The following PDE4D variants were observed in gnomAD, a reference collection of about 807,000 sequenced individuals.
PDE4D encodes the protein phosphodiesterase 4D.
A neutral mutation model predicts 87.4 loss-of-function variants in PDE4D; 24 were observed. That is an observed-to-expected ratio of 0.27 (90% CI 0.20 to 0.39). The LOEUF (loss-of-function observed/expected upper bound fraction) is 0.39. Among genes scored for constraint, PDE4D ranks in the 10% least tolerant of loss-of-function variants. PDE4D has a pLI of 1.00. For missense variants in PDE4D, 714 were observed against 1,041.0 expected, an observed-to-expected ratio of 0.69 and a Z score of 4.32; for synonymous variants, 384 against 383.2, an observed-to-expected ratio of 1.00 and a Z score of -0.02.
At chr5:59,506,240 TAG>T (rs2153666536) in intron 1 of PDE4D, among the ~76,000 whole-genome samples, 1 of 152,304 alleles carries the variant, frequency 6.6e-6, no homozygotes, top group African/African-American at 2.4e-5. Context: ...CTTCATTTTT[TAG>T]AGGAGTGAGA....
At chr5:59,629,516 G>A (rs188539275) in intron 1 of PDE4D, among the ~76,000 whole-genome samples, 1 of 151,926 alleles carries the variant, frequency 6.6e-6, no homozygotes, top group Non-Finnish European at 1.5e-5. Context: ...ACAGAGAGAA[G>A]GCCATCTACA....
At chr5:59,850,174 G>GCA (rs1183075778) in intron 1 of PDE4D, among the ~76,000 whole-genome samples, 2 of 151,670 alleles carry the variant, frequency 1.3e-5, no homozygotes, top group Non-Finnish European at 2.9e-5. Context: ...ACTGACACAT[G>GCA]CACACACACA....
At chr5:59,083,206 C>G (rs1301250364) in intron 5 of PDE4D, among the ~76,000 whole-genome samples, 1 of 152,034 alleles carries the variant, frequency 6.6e-6, no homozygotes, top group Non-Finnish European at 1.5e-5. Flanking sequence ...CACTTCTAAT[C>G]TTGCTGATGA....
chr5:59,259,492 G>A (rs557742691), intron 1 of PDE4D, among the ~76,000 whole-genome samples: 5 of 151,834 alleles, frequency 3.3e-5, no homozygotes, highest in East Asian at 1.9e-4. Context: ...ATGATACCAA[G>A]GTTTAAAACT....
chr5:59,004,333 G>A (rs917166542), intron 6 of PDE4D, among the ~76,000 whole-genome samples: 3 of 152,180 alleles, frequency 2.0e-5, no homozygotes, highest in African/African-American at 4.8e-5. Flanking sequence ...CATGGAAAAT[G>A]AGAATAATAG....
At chr5:59,458,406 A>C (rs1263648715) in intron 1 of PDE4D, among the ~76,000 whole-genome samples, 1 of 152,188 alleles carries the variant, frequency 6.6e-6, no homozygotes, top group African/African-American at 2.4e-5. Context: ...TTCTCAGTGA[A>C]ACCTCACTGG....
intron 2 of PDE4D, among the ~76,000 whole-genome samples, chr5:59,993,254 A>G (rs1763190739): frequency 6.6e-6 from 1 of 152,186 alleles, no homozygotes; most frequent in African/African-American, 2.4e-5. Flanking sequence ...ATTCCAGTGC[A>G]TATTAAAGTT....
rs938696114 is a variant in PDE4D, at chr5:59,052,733, G to A, written c.809-13762C>T. Among the ~76,000 whole-genome samples, 14 of 152,174 alleles carry A rather than the reference G, an allele frequency of 9.2e-5. No homozygotes were observed. In the East Asian group the frequency reaches 2.7e-3, roughly 29 times the overall value. On this transcript the variant is annotated intron_variant, in intron 5 of 14. Transcript: ENST00000340635. ...CTCAGTTTTCTTTTTTGTAAAATAG[G>A]GCTAAAAATACATTCCCTAGAAGGT...
At chr5:59,914,049 A>G (rs1278317510) in intron 3 of PDE4D, among the ~76,000 whole-genome samples, 1 of 150,276 alleles carries the variant, frequency 6.7e-6, no homozygotes, top group African/African-American at 2.5e-5. Flanking sequence ...CTCTACAGAA[A>G]TTCTAAGTTG....
chr5:59,177,871 A>G (rs1368032230), intron 5 of PDE4D, among the ~76,000 whole-genome samples: 1 of 152,170 alleles, frequency 6.6e-6, no homozygotes, highest in Non-Finnish European at 1.5e-5. Context: ...GCTGGTCCTC[A>G]TGCTGCTCCA....
In PDE4D at chr5:60,456,333, G is replaced by A. The variant is rs569575097; in HGVS notation, c.-90+31609C>T. Among the ~76,000 whole-genome samples the A allele has an allele frequency of 7.2e-5, 11 of 152,296 alleles. No individual in the cohort carries two copies. The South Asian group carries it at 1.9e-3, about 26-fold the overall frequency. On this transcript the variant is annotated intron_variant, in intron 1 of 16. Coordinates refer to the PDE4D transcript ENST00000502484. ...TAGGGCCCTCTAAAGCAAGTGACAC[G>A]AGGCAAGAGCCTCTTTCCCCAGGTT...
rs78690872 is a variant in PDE4D at position 60,356,231 on chromosome 5, C to T, written c.-90+131711G>A. Among the ~76,000 whole-genome samples the T allele has an allele frequency of 6.1e-3, 922 of 152,252 alleles. 6 individuals are homozygous for T. The highest frequency in any genetic ancestry group is 0.012 in the South Asian group (60 of 4,814). On this transcript the variant is annotated intron_variant, in intron 1 of 16. Coordinates refer to the PDE4D transcript ENST00000502484. Reference sequence around the variant, plus strand: ...CATTCCCATTAATATTAACAGTGTTCTCACTGACAAAACAGAGTGATTATT... The same window carrying T: ...CATTCCCATTAATATTAACAGTGTTTTCACTGACAAAACAGAGTGATTATT...
rs114838548 is a variant in PDE4D, at chr5:59,392,991, T to C, written c.456-177023A>G. 3.3e-3 allele frequency among the ~76,000 whole-genome samples: 502 copies of C among 151,900 alleles called. 1 individual carries two copies. Among genetic ancestry groups the C allele is most frequent in the Non-Finnish European group, 5.5e-3 (371 of 67,928 alleles). On this transcript the variant is annotated intron_variant, in intron 1 of 14. Transcript: ENST00000340635. ...AGAATGAAAGACAGGGGAAGTAGAGTTTGAAGAAAGGATTAATTGAACCTG... is the reference window on the plus strand; with the variant it reads ...AGAATGAAAGACAGGGGAAGTAGAGCTTGAAGAAAGGATTAATTGAACCTG...
At chr5:59,464,997 A>T (rs762933390) in intron 1 of PDE4D, among the ~76,000 whole-genome samples, 14 of 152,234 alleles carry the variant, frequency 9.2e-5, no homozygotes, top group Admixed American at 6.5e-5. Context: ...GAGCGGTAGC[A>T]GTCCCTGCAC....
chr5:59,088,739 C>A (rs1308339199), intron 5 of PDE4D, among the ~76,000 whole-genome samples: 1 of 152,072 alleles, frequency 6.6e-6, no homozygotes, highest in Non-Finnish European at 1.5e-5. Flanking sequence ...TAAATGATGA[C>A]AACTCATGGA....
intron 1 of PDE4D, among the ~76,000 whole-genome samples, chr5:59,678,139 T>TA (rs11403062): frequency 0.025 from 3,729 of 151,054 alleles, 122 homozygotes; most frequent in African/African-American, 0.075. Context: ...TCAAAAAGAG[T>TA]AAAAAAAAAT....
intron 6 of PDE4D, among the ~76,000 whole-genome samples, chr5:59,034,218 A>T (rs897747935): frequency 1.3e-5 from 2 of 152,158 alleles, no homozygotes; most frequent in African/African-American, 4.8e-5. Context: ...CAGATATCGA[A>T]CTCAAAACAT....
At chr5:60,452,698 T>C (rs1186063960) in intron 1 of PDE4D, among the ~76,000 whole-genome samples, 3 of 152,066 alleles carry the variant, frequency 2.0e-5, no homozygotes, top group Non-Finnish European at 4.4e-5. Context: ...AGCTACATTA[T>C]GGAAAAGGGA....
chr5:60,386,710 G>A (rs1340370996), intron 1 of PDE4D, among the ~76,000 whole-genome samples: 7 of 152,150 alleles, frequency 4.6e-5, no homozygotes, highest in African/African-American at 7.2e-5. Flanking sequence ...GATTAAATTC[G>A]GATTCTGGGA....
Sources: gnomAD v4.1 joint callset for allele counts (sites outside exome capture counted in the v4.1 genomes callset) on GRCh38, gnomAD v4.1.1 for gene constraint, MANE v1.5 for transcripts, NCBI Gene and HGNC (gene_info 2026-07-23, HGNC 2026-07-21) for gene names.